The following BMAL1 variants were observed in gnomAD, a reference collection of about 807,000 sequenced individuals.
BMAL1 encodes the protein basic helix-loop-helix ARNT-like protein 1.
the BMAL1 span, chr11:13,374,206 G>A: frequency 6.2e-7 from 1 of 1,610,874 alleles, no homozygotes; most frequent in Non-Finnish European, 8.5e-7. Context: ...GGCAAGGTAA[G>A]CTAGGATGTA....
chr11:13,326,957 C>A, the BMAL1 span, among the ~76,000 whole-genome samples: 1 of 151,902 alleles, frequency 6.6e-6, no homozygotes, highest in Non-Finnish European at 1.5e-5. Flanking sequence ...GTAGCTGGGA[C>A]TACAGGCGCC....
the BMAL1 span, among the ~76,000 whole-genome samples, chr11:13,386,430 T>TA: frequency 2.6e-5 from 4 of 152,174 alleles, no homozygotes; most frequent in East Asian, 1.9e-4. Flanking sequence ...TTCTTTCCTC[T>TA]AAAAAACAGC....
chr11:13,382,192 C>T, the BMAL1 span, among the ~76,000 whole-genome samples: 2 of 152,158 alleles, frequency 1.3e-5, no homozygotes, highest in African/African-American at 4.8e-5. Flanking sequence ...AGCAATACTT[C>T]TTTTTTATAC....
At chr11:13,285,373 C>A in the BMAL1 span, among the ~76,000 whole-genome samples, 1 of 152,148 alleles carries the variant, frequency 6.6e-6, no homozygotes, top group African/African-American at 2.4e-5. Flanking sequence ...AACAAGGGGC[C>A]CGCAGGAGGG....
the BMAL1 span, among the ~76,000 whole-genome samples, chr11:13,354,817 C>T: frequency 6.6e-6 from 1 of 152,168 alleles, no homozygotes; most frequent in Non-Finnish European, 1.5e-5. Flanking sequence ...GAGAGCTTTG[C>T]CTGAGGGCCT....
chr11:13,366,670 T>A, the BMAL1 span: 2 of 1,613,100 alleles, frequency 1.2e-6, no homozygotes, highest in Non-Finnish European at 1.7e-6. Flanking sequence ...CCCAGAATGA[T>A]CTGATTGGTC....
the BMAL1 span, among the ~76,000 whole-genome samples, chr11:13,295,531 T>G: frequency 6.6e-6 from 1 of 151,426 alleles, no homozygotes; most frequent in African/African-American, 2.4e-5. Context: ...AGGGAGGAGG[T>G]GGAGGAGACC....
chr11:13,278,406 G>A, the BMAL1 span, among the ~76,000 whole-genome samples: 8 of 152,204 alleles, frequency 5.3e-5, no homozygotes, highest in Admixed American at 2.0e-4. Context: ...ACCATGCCTG[G>A]TGGCTGCCCC....
At chr11:13,283,455 A>G in the BMAL1 span, among the ~76,000 whole-genome samples, 1 of 152,222 alleles carries the variant, frequency 6.6e-6, no homozygotes, top group African/African-American at 2.4e-5. Flanking sequence ...TACATGAGGC[A>G]GGTACTATTA....
the BMAL1 span, chr11:13,378,325 C>T: frequency 1.9e-6 from 3 of 1,593,760 alleles, no homozygotes; most frequent in East Asian, 6.7e-5. Flanking sequence ...CTCTCAGATT[C>T]CTTTGTTGTA....
the BMAL1 span, chr11:13,350,025 T>TA: frequency 6.6e-6 from 1 of 152,208 alleles, no homozygotes; most frequent in South Asian, 2.1e-4. Context: ...CAGAGGCCCC[T>TA]AACTCCTCCC....
At chr11:13,383,006 G>C in the BMAL1 span, among the ~76,000 whole-genome samples, 1 of 152,166 alleles carries the variant, frequency 6.6e-6, no homozygotes, top group African/African-American at 2.4e-5. Flanking sequence ...AAGAAATTTG[G>C]ATGTGTTCTC....
the BMAL1 span, among the ~76,000 whole-genome samples, chr11:13,333,440 G>C: frequency 6.6e-6 from 1 of 152,328 alleles, no homozygotes; most frequent in South Asian, 2.1e-4. Context: ...CACCAGATGT[G>C]GTTCTGAGAG....
At chr11:13,341,302 C>T in the BMAL1 span, among the ~76,000 whole-genome samples, 8 of 152,236 alleles carry the variant, frequency 5.3e-5, no homozygotes, top group Non-Finnish European at 1.0e-4. Flanking sequence ...GGTCCCACCA[C>T]CCCACTTTGT....
chr11:13,322,620 C>T, the BMAL1 span, among the ~76,000 whole-genome samples: 159 of 152,072 alleles, frequency 1.0e-3, no homozygotes, highest in African/African-American at 3.7e-3. Context: ...GAGTCACTGA[C>T]CTCAAGAAGC....
At chr11:13,281,790 G>A in the BMAL1 span, among the ~76,000 whole-genome samples, 122,322 of 152,222 alleles carry the variant, frequency 0.8, 50,344 homozygotes, top group East Asian at 0.91. Flanking sequence ...GATTACAGGC[G>A]TGAGTCACTG....
At chr11:13,344,063 A>G in the BMAL1 span, among the ~76,000 whole-genome samples, 1 of 152,088 alleles carries the variant, frequency 6.6e-6, no homozygotes, top group Non-Finnish European at 1.5e-5. Flanking sequence ...CACCTTTGAG[A>G]CTGAAGTACC....
At chr11:13,297,323 G>T in the BMAL1 span, among the ~76,000 whole-genome samples, 2 of 152,326 alleles carry the variant, frequency 1.3e-5, no homozygotes, top group Middle Eastern at 3.4e-3. Context: ...TGAAGGAGTT[G>T]CCCATTTGTC....
the BMAL1 span, among the ~76,000 whole-genome samples, chr11:13,348,179 TG>T: frequency 6.6e-6 from 1 of 152,116 alleles, no homozygotes; most frequent in Non-Finnish European, 1.5e-5. Flanking sequence ...ATCAGGTGAC[TG>T]GGTGGTTGAA....
Sources: gnomAD v4.1 joint callset for allele counts (sites outside exome capture counted in the v4.1 genomes callset) on GRCh38, gnomAD v4.1.1 for gene constraint, MANE v1.5 for transcripts, NCBI Gene and HGNC (gene_info 2026-07-23, HGNC 2026-07-21) for gene names.